Variants in PARVA observed in about 807,000 individuals in gnomAD.
The protein encoded by PARVA is alpha-parvin.
PARVA carries 25 observed loss-of-function variants against 52.6 expected under a neutral mutation model. The observed-to-expected ratio is 0.48, with a 90% confidence interval of 0.35 to 0.66. The LOEUF (loss-of-function observed/expected upper bound fraction) is 0.66, where lower values mean the gene tolerates loss of function less well. Among genes scored for constraint, PARVA ranks in the 30% least tolerant of loss-of-function variants. PARVA has a pLI of 0.01. For synonymous variants in PARVA, 185 were observed against 179.1 expected (o/e 1.03, Z -0.26); for missense variants, 373 against 450.9 (o/e 0.83, Z 1.56).
chr11:12,439,812 G>A (rs1396391186), intron 1 of PARVA, among the ~76,000 whole-genome samples: 2 of 152,088 alleles, frequency 1.3e-5, no homozygotes, highest in African/African-American at 4.8e-5. Flanking sequence ...TGCACTTCCT[G>A]TTTCTTCTTC....
chr11:12,412,498 C>T (rs1034474294), intron 1 of PARVA, among the ~76,000 whole-genome samples: 95 of 152,158 alleles, frequency 6.2e-4, no homozygotes, highest in African/African-American at 2.1e-3. Context: ...TTCACCAGCC[C>T]AGGCCGAGAG....
Position 12,519,032 on chromosome 11 carries a change from C to G in PARVA, c.1042+515C>G, listed in dbSNP as rs567994883. ...AGAAGGGACAAGTGCTTCTGCAGCCCCTGCATACTCCTGCTAGGAGTGCAC... is the reference window on the plus strand; with the variant it reads ...AGAAGGGACAAGTGCTTCTGCAGCCGCTGCATACTCCTGCTAGGAGTGCAC... On this transcript the variant is annotated intron_variant, in intron 12 of 12. Transcript: ENST00000334956. 4.6e-5 allele frequency among the ~76,000 whole-genome samples: 7 copies of G among 152,356 alleles called. No individual in the cohort carries two copies. The South Asian group carries it at 1.5e-3, about 32-fold the overall frequency.
At chr11:12,511,440 GT>G (rs1941501298) in intron 7 of PARVA, 73 bp from the exon 8 acceptor site, 2 of 1,515,238 alleles carry the variant, frequency 1.3e-6, no homozygotes, top group African/African-American at 2.7e-5. Flanking sequence ...GTGATGGAGT[GT>G]CCTTTCAGAG....
chr11:12,534,288 T>G lies in PARVA; in HGVS notation c.*6363T>G, dbSNP rs1941809770. On this transcript the variant is annotated 3_prime_UTR_variant, in exon 13 of 13. Coordinates refer to ENST00000334956, the MANE Select transcript of PARVA (RefSeq NM_018222.5). ...ACTGGAAGTTTTGAAATTCCAGAAA[T>G]ATGCTTGGAAATCCCCGCTTGAAAT... 6.6e-6 allele frequency among the ~76,000 whole-genome samples: 1 copy of G among 152,210 alleles called. No homozygotes were observed. The highest frequency in any genetic ancestry group is 2.4e-5 in the African/African-American group (1 of 41,456).
At position 12,426,753 on chromosome 11, in the gene PARVA, G is replaced by A. The variant is rs111474360; in HGVS notation, c.137-46992G>A. ...TGCCTCCAGAGCCTAAGCTCTGCCC[G>A]CTGCCTGACCACCACAAGATTACTT... is the stretch of plus-strand genomic sequence containing the variant. On this transcript the variant is annotated intron_variant, in intron 1 of 12. Transcript: ENST00000334956. 5.1e-3 allele frequency among the ~76,000 whole-genome samples: 779 copies of A among 152,172 alleles called. 8 individuals carry two copies. The highest frequency in any genetic ancestry group is 0.018 in the African/African-American group (736 of 41,526).
rs150846448 is a variant in PARVA at position 12,478,673 on chromosome 11, C to T, written c.400+724C>T. 2.6e-3 allele frequency: 404 copies of T among 156,052 alleles called. 2 individuals carry two copies. The highest frequency in any genetic ancestry group is 9.1e-3 in the African/African-American group (379 of 41,512). The allele number at this position is 156,052 out of a possible 1,614,324, so 9.7% of individuals were successfully genotyped here. A position where few individuals can be genotyped will look rare whatever the true frequency, so the allele number is the denominator to read the frequency against. On this transcript the variant is annotated intron_variant, in intron 4 of 12. Coordinates refer to ENST00000334956, the MANE Select transcript of PARVA (RefSeq NM_018222.5). ...TCATCCCCTCTGAGTTCATAGAATCCTCTCCCTTCCTCCTCTGCCCCCATG... is the reference window on the plus strand; with the variant it reads ...TCATCCCCTCTGAGTTCATAGAATCTTCTCCCTTCCTCCTCTGCCCCCATG...
chr11:12,417,500 A>G (rs1940084357), intron 1 of PARVA, among the ~76,000 whole-genome samples: 1 of 152,234 alleles, frequency 6.6e-6, no homozygotes, highest in Non-Finnish European at 1.5e-5. Context: ...TACAGTATTA[A>G]CAGTGACTAC....
At chr11:12,518,316 T>C (rs35717264) in intron 11 of PARVA, 129 bp from the exon 12 acceptor site, 36,872 of 692,416 alleles carry the variant, frequency 0.053, 1,909 homozygotes, top group South Asian at 0.15. Context: ...TTGGTAGCCA[T>C]ATTTCTCCTT....
chr11:12,449,658 G>T (rs925274785), intron 1 of PARVA, among the ~76,000 whole-genome samples: 9 of 152,262 alleles, frequency 5.9e-5, no homozygotes, highest in African/African-American at 2.2e-4. Flanking sequence ...GGGTGACTTT[G>T]CTCCCACCAG....
intron 1 of PARVA, among the ~76,000 whole-genome samples, chr11:12,385,070 C>A (rs1939552190): frequency 6.6e-6 from 1 of 152,146 alleles, no homozygotes; most frequent in Admixed American, 6.5e-5. Context: ...GGCATGGTGG[C>A]TCACGCCTGT....
chr11:12,451,400 G>C (rs190672143), intron 1 of PARVA, among the ~76,000 whole-genome samples: 1 of 151,504 alleles, frequency 6.6e-6, no homozygotes, highest in East Asian at 1.9e-4. Context: ...GGATACTCAC[G>C]TCCCTACCTA....
intron 1 of PARVA, among the ~76,000 whole-genome samples, chr11:12,416,609 GGAAGGAAGGAAGAAAAGGAAA>G (rs1940070452): frequency 6.6e-6 from 1 of 151,900 alleles, no homozygotes. Context: ...TGCTGCTTCA[GGAAGGAAGGAAGAAAAGGAAA>G]GAAGGAAGGA....
At chr11:12,422,505 C>A (rs921869236) in intron 1 of PARVA, among the ~76,000 whole-genome samples, 2 of 152,118 alleles carry the variant, frequency 1.3e-5, no homozygotes, top group African/African-American at 4.8e-5. Flanking sequence ...CAGTATTTTA[C>A]CATTGTGTTT....
At chr11:12,488,279 T>C (rs1430579987) in intron 4 of PARVA, among the ~76,000 whole-genome samples, 6 of 152,238 alleles carry the variant, frequency 3.9e-5, no homozygotes, top group African/African-American at 1.4e-4. Context: ...GCATTATGGC[T>C]GATGACTAGA....
Position 12,387,378 on chromosome 11 carries a change from CT to C in PARVA, c.136+9596del, listed in dbSNP as rs551279398. 3.9e-5 allele frequency among the ~76,000 whole-genome samples: 6 copies of C among 152,238 alleles called. No individual in the cohort carries two copies. In the East Asian group the frequency reaches 1.2e-3, roughly 29 times the overall value. On this transcript the variant is annotated intron_variant, in intron 1 of 12. Coordinates refer to ENST00000334956, the MANE Select transcript of PARVA (RefSeq NM_018222.5). ...AGCCGTTGTGTGGTATCTTTGGTGC[CT>C]AGCATACTACCTAGTACTTAACCAG... is the stretch of plus-strand genomic sequence containing the variant.
chr11:12,465,539 A>C (rs751871237), intron 1 of PARVA, among the ~76,000 whole-genome samples: 1 of 152,176 alleles, frequency 6.6e-6, no homozygotes, highest in African/African-American at 2.4e-5. Flanking sequence ...TACTTTGCCT[A>C]TTCAGCATTT....
rs1445222069 is a variant in PARVA, at chr11:12,530,351, C to A, written c.*2426C>A. 6.6e-6 allele frequency: 1 copy of A among 151,728 alleles called. No individual in the cohort carries two copies. The highest frequency in any genetic ancestry group is 1.5e-5 in the Non-Finnish European group (1 of 67,944). 9.4% of individuals were successfully genotyped at this position (151,728 alleles called of 1,614,324 possible). A position where few individuals can be genotyped will look rare whatever the true frequency, so the allele number is the denominator to read the frequency against. On this transcript the variant is annotated 3_prime_UTR_variant, in exon 13 of 13. Coordinates refer to ENST00000334956, the MANE Select transcript of PARVA (RefSeq NM_018222.5). ...TGACTTTGAAAGGCAAAAGAGGAAT[C>A]AAGAATAAATAAAACAAACTTAATC...
chr11:12,420,960 C>G (rs950021602), intron 1 of PARVA, among the ~76,000 whole-genome samples: 1 of 151,922 alleles, frequency 6.6e-6, no homozygotes, highest in African/African-American at 2.4e-5. Flanking sequence ...ATTCCTGGAT[C>G]CTTCAATGAT....
intron 10 of PARVA, among the ~76,000 whole-genome samples, chr11:12,516,161 G>T (rs911911725): frequency 6.6e-6 from 1 of 152,222 alleles, no homozygotes. Context: ...TAAGGCAAGC[G>T]CAAGCTCAGG....
Sources: allele counts gnomAD v4.1 joint callset (sites outside exome capture counted in the v4.1 genomes callset), GRCh38; gene constraint gnomAD v4.1.1; transcripts MANE v1.5; gene names NCBI Gene and HGNC (gene_info 2026-07-23, HGNC 2026-07-21).